Variants in PTPRN2 observed in about 807,000 individuals in gnomAD.
PTPRN2 encodes protein tyrosine phosphatase receptor type N2.
In PTPRN2, 74 loss-of-function variants were observed where a neutral mutation model predicts 118.8. The ratio of observed to expected loss-of-function variants is 0.62; its 90% CI spans 0.52 to 0.76. The LOEUF is 0.76. Among genes scored for constraint, PTPRN2 ranks in the 30% least tolerant of loss-of-function variants. PTPRN2 has a pLI of 0.00. For missense variants in PTPRN2, 1,481 were observed against 1,394.4 expected (o/e 1.06, Z -0.99); for synonymous variants, 641 against 608.0 (o/e 1.05, Z -0.80).
chr7:158,528,808 A>G (rs947765452), intron 1 of PTPRN2, among the ~76,000 whole-genome samples: 1 of 147,800 alleles, frequency 6.8e-6, no homozygotes, highest in Non-Finnish European at 1.5e-5. Flanking sequence ...CAAAAACGGA[A>G]AAAAAAAAAA....
At chr7:158,225,922 A>G (rs1828736546) in intron 3 of PTPRN2, among the ~76,000 whole-genome samples, 1 of 149,600 alleles carries the variant, frequency 6.7e-6, no homozygotes, top group Non-Finnish European at 1.5e-5. Context: ...GAGGGAGGGG[A>G]GTTGCATAGT....
intron 1 of PTPRN2, among the ~76,000 whole-genome samples, chr7:158,495,727 G>C (rs1362984385): frequency 6.6e-6 from 1 of 152,164 alleles, no homozygotes. Flanking sequence ...CTAGGAATCA[G>C]CCTGAAAAGT....
intron 2 of PTPRN2, among the ~76,000 whole-genome samples, chr7:158,342,586 C>G (rs963503255): frequency 1.6e-4 from 24 of 152,046 alleles, no homozygotes; most frequent in African/African-American, 5.8e-4. Flanking sequence ...AGACGTCGCT[C>G]ACACCCACAC....
In PTPRN2 at chr7:158,001,626, T is replaced by A. The variant is rs537507163; in HGVS notation, c.1723+79672A>T. ...ATGCAGACAGACGCAGGCAGTGTAG[T>A]AGATGGTAAAACGGCCGAAAACCAT... On this transcript the variant is annotated intron_variant, in intron 11 of 22. Transcript: ENST00000389418. Among the ~76,000 whole-genome samples, 245 of 152,158 alleles carry A rather than the reference T, an allele frequency of 1.6e-3. 2 individuals carry two copies. Among genetic ancestry groups the A allele is most frequent in the Non-Finnish European group, 5.6e-4 (38 of 67,994 alleles).
intron 2 of PTPRN2, among the ~76,000 whole-genome samples, chr7:158,396,714 A>G (rs1425005510): frequency 1.3e-5 from 2 of 151,936 alleles, no homozygotes; most frequent in Admixed American, 6.6e-5. Context: ...ACATGTGTGC[A>G]TGTGTGTGTG....
intron 3 of PTPRN2, among the ~76,000 whole-genome samples, chr7:158,269,975 G>C (rs1359713140): frequency 6.6e-6 from 1 of 152,202 alleles, no homozygotes; most frequent in Non-Finnish European, 1.5e-5. Context: ...CAGAGACAGA[G>C]ATAGCCAGAG....
intron 11 of PTPRN2, among the ~76,000 whole-genome samples, chr7:157,998,660 TAAA>T (rs1285651879): frequency 5.3e-5 from 8 of 151,960 alleles, no homozygotes; most frequent in Admixed American, 3.9e-4. Context: ...CCATCTCTAC[TAAA>T]AATACAAAAA....
At chr7:158,401,920 C>T (rs933221721) in intron 2 of PTPRN2, among the ~76,000 whole-genome samples, 2 of 152,130 alleles carry the variant, frequency 1.3e-5, no homozygotes, top group Non-Finnish European at 2.9e-5. Context: ...ACCTCCCAGG[C>T]CTCTCTCCAT....
intron 1 of PTPRN2, among the ~76,000 whole-genome samples, chr7:158,575,032 T>C (rs141308248): frequency 1.3e-5 from 2 of 152,394 alleles, no homozygotes; most frequent in East Asian, 1.9e-4. Context: ...TTTTGTCATT[T>C]ATTTTACACA....
chr7:158,058,523 C>T (rs368019617), intron 11 of PTPRN2, among the ~76,000 whole-genome samples: 1 of 81,160 alleles, frequency 1.2e-5, no homozygotes, highest in Admixed American at 1.1e-4. Context: ...GACATCACTG[C>T]AGCCACACTC....
chr7:158,242,776 G>C (rs1795973563), intron 3 of PTPRN2, among the ~76,000 whole-genome samples: 1 of 152,084 alleles, frequency 6.6e-6, no homozygotes, highest in South Asian at 2.1e-4. Context: ...GTCTAGGAAG[G>C]GCTCCATTTC....
At chr7:158,318,015 G>A (rs1049700856) in intron 2 of PTPRN2, among the ~76,000 whole-genome samples, 8 of 152,304 alleles carry the variant, frequency 5.3e-5, no homozygotes, top group African/African-American at 1.9e-4. Flanking sequence ...CAATGGCAAG[G>A]AGGAGACGCC....
intron 3 of PTPRN2, among the ~76,000 whole-genome samples, chr7:158,294,926 C>T (rs111287533): frequency 8.6e-4 from 99 of 114,524 alleles, no homozygotes; most frequent in Middle Eastern, 9.1e-3. Context: ...CCACTTTCCA[C>T]GCGCGTGGTT....
chr7:158,317,164 G>A (rs1281424934), intron 2 of PTPRN2, among the ~76,000 whole-genome samples: 1 of 152,228 alleles, frequency 6.6e-6, no homozygotes, highest in Non-Finnish European at 1.5e-5. Flanking sequence ...AAAGTCCAGT[G>A]TGGCTGCAAT....
At position 157,845,956 on chromosome 7, in the gene PTPRN2, G is replaced by A. The variant is rs1322622768; in HGVS notation, c.1788+52717C>T. On this transcript the variant is annotated intron_variant, in intron 12 of 22. Coordinates refer to ENST00000389418, the MANE Select transcript of PTPRN2 (RefSeq NM_002847.5). This position sits in a 1 kb window ranked among gnomAD's most constrained non-coding sequence, Gnocchi z 4.5. ...TTTGAGCCTCTCTGAACTCAGGGCA[G>A]AAAACAGTTTCCTCAAATCCTTTCC... is the stretch of plus-strand genomic sequence containing the variant. Among the ~76,000 whole-genome samples the A allele has an allele frequency of 6.6e-6, 1 of 152,210 alleles. No homozygotes were observed. Among genetic ancestry groups the A allele is most frequent in the Non-Finnish European group, 1.5e-5 (1 of 68,042 alleles).
intron 22 of PTPRN2, among the ~76,000 whole-genome samples, chr7:157,544,863 GTGT>G (rs1798201204): frequency 6.6e-6 from 1 of 151,928 alleles, no homozygotes; most frequent in Non-Finnish European, 1.5e-5. Context: ...ATGCAGCTGT[GTGT>G]GGATGTGCAT....
chr7:158,329,905 G>A (rs1355658220), intron 2 of PTPRN2, among the ~76,000 whole-genome samples: 1 of 152,092 alleles, frequency 6.6e-6, no homozygotes, highest in Non-Finnish European at 1.5e-5. Context: ...ATAGCTACAT[G>A]GAGTGACTGG....
chr7:158,066,189 G>T (rs1159938812), intron 11 of PTPRN2, among the ~76,000 whole-genome samples: 1 of 152,212 alleles, frequency 6.6e-6, no homozygotes, highest in Admixed American at 6.5e-5. Context: ...ATAAGACTCC[G>T]TCAGCAAGAT....
chr7:157,631,915 T>C (rs1803987426), intron 14 of PTPRN2, among the ~76,000 whole-genome samples: 1 of 151,976 alleles, frequency 6.6e-6, no homozygotes, highest in Non-Finnish European at 1.5e-5. Context: ...CAAAGTCCTG[T>C]TAGAAAAACA....
Sources: allele counts gnomAD v4.1 joint callset (sites outside exome capture counted in the v4.1 genomes callset), GRCh38; gene constraint gnomAD v4.1.1; non-coding constraint Gnocchi (gnomAD v3.1); transcripts MANE v1.5; gene names NCBI Gene and HGNC (gene_info 2026-07-23, HGNC 2026-07-21).